CFAP43: variants seen among roughly 807,000 people sequenced by gnomAD.
CFAP43 encodes cilia- and flagella-associated protein 43.
A neutral mutation model predicts 218.9 loss-of-function variants in CFAP43; 155 were observed. That is an observed-to-expected ratio of 0.71 (90% confidence interval 0.62 to 0.81). CFAP43 has a LOEUF of 0.81. Ranked by LOEUF, CFAP43 falls within the 30% of genes least tolerant of loss-of-function variation. The pLI, the probability that CFAP43 is intolerant of heterozygous loss-of-function variation, is 0.00. For synonymous variants in CFAP43, 645 were observed against 681.3 expected, an observed-to-expected ratio of 0.95 and a Z score of 0.83; for missense variants, 1,778 against 1,954.3, an observed-to-expected ratio of 0.91 and a Z score of 1.70.
At chr10:104,186,883 T>C (rs893075833) in intron 14 of CFAP43, among the ~76,000 whole-genome samples, 1 of 152,140 alleles carries the variant, frequency 6.6e-6, no homozygotes, top group African/African-American at 2.4e-5. Context: ...GGTGACACAA[T>C]GCATGAGAAG....
intron 3 of CFAP43, 47 bp downstream of exon 3, chr10:104,225,414 G>A (rs1452681298): frequency 5.0e-6 from 7 of 1,414,126 alleles, no homozygotes; most frequent in Non-Finnish European, 5.9e-6. Flanking sequence ...AGAGTAAGAG[G>A]AAAATGTAAC....
In CFAP43 at chr10:104,162,718, G is replaced by A. The variant is rs117495527; in HGVS notation, c.3247-315C>T. Reference sequence around the variant, plus strand: ...TCTAAGCCAAATTCTGAAGGATGGGGGTCCTAAGAGGTCGAGAGCTTGGGG... The same window carrying A: ...TCTAAGCCAAATTCTGAAGGATGGGAGTCCTAAGAGGTCGAGAGCTTGGGG... On this transcript the variant is annotated intron_variant, in intron 24 of 37. Coordinates refer to ENST00000357060, the MANE Select transcript of CFAP43 (RefSeq NM_025145.7). Among the ~76,000 whole-genome samples the A allele has an allele frequency of 7.2e-5, 11 of 151,992 alleles. No individual in the cohort carries two copies. In the East Asian group the frequency reaches 1.7e-3, roughly 24 times the overall value.
At chr10:104,162,083 A>T (rs781476017) in intron 25 of CFAP43, 42 bp from the exon 26 acceptor site, 21 of 1,587,048 alleles carry the variant, frequency 1.3e-5, no homozygotes, top group South Asian at 7.9e-5. Context: ...TGAGACAGAG[A>T]CCTGACATTC....
At chr10:104,225,287 C>T (rs746163049) in intron 3 of CFAP43, among the ~76,000 whole-genome samples, 174 bp downstream of exon 3, 39 of 152,178 alleles carry the variant, frequency 2.6e-4, no homozygotes, top group Non-Finnish European at 4.9e-4. Flanking sequence ...TTTGCTCTGA[C>T]TGCCAAATTT....
At chr10:104,194,121 G>C in intron 10 of CFAP43, 107 bp from the exon 11 acceptor site, 1 of 1,374,186 alleles carries the variant, frequency 7.3e-7, no homozygotes, top group Non-Finnish European at 9.9e-7. Flanking sequence ...GAGAAAAGTG[G>C]CAAGTGTTGT....
At chr10:104,220,228 T>C (rs1298957376) in intron 3 of CFAP43, among the ~76,000 whole-genome samples, 8 of 152,296 alleles carry the variant, frequency 5.3e-5, no homozygotes, top group African/African-American at 1.9e-4. Flanking sequence ...AGATTCTCTC[T>C]CACAGCCCTC....
Position 104,186,115 on chromosome 10 carries a change from G to A in CFAP43, c.1869C>T (p.Thr623=), listed in dbSNP as rs148551424. ...TGTATGGTTTAAGAATGTAGATACC[G>A]GTATGTTCCTGCCAATCAAAGAAAA... is the stretch of plus-strand genomic sequence containing the variant. The part of the protein sequence containing the change: ...CSYLLPEEEH[T]GIYILKPYKK... The change falls in exon 15 of 38, where the codon ACC becomes ACT. Residue 623 remains threonine (T), a synonymous_variant. Transcript: ENST00000357060. The A allele has an allele frequency of 1.2e-4, 179 of 1,509,560 alleles. 3 individuals are homozygous for A. The East Asian group carries it at 2.3e-3, about 19-fold the overall frequency. 93.5% of individuals were successfully genotyped at this position (1,509,560 alleles called of 1,614,324 possible).
chr10:104,195,767 G>A (rs990470965), intron 10 of CFAP43, among the ~76,000 whole-genome samples: 1 of 152,174 alleles, frequency 6.6e-6, no homozygotes, highest in Non-Finnish European at 1.5e-5. Flanking sequence ...CTGTGAACAT[G>A]GCAGAAATAA....
chr10:104,184,111 C>T (rs982907268), intron 16 of CFAP43, among the ~76,000 whole-genome samples: 7 of 152,124 alleles, frequency 4.6e-5, no homozygotes, highest in Non-Finnish European at 7.4e-5. Flanking sequence ...GCAAAGATTA[C>T]GGCAGTGAAA....
At chr10:104,175,076 C>T (rs1225630800) in intron 19 of CFAP43, among the ~76,000 whole-genome samples, 3 of 150,136 alleles carry the variant, frequency 2.0e-5, no homozygotes, top group Admixed American at 6.6e-5. Context: ...AACAAACAAA[C>T]AAACAAACAA....
At chr10:104,141,683 C>T (rs1274581175) in intron 33 of CFAP43, among the ~76,000 whole-genome samples, 1 of 152,132 alleles carries the variant, frequency 6.6e-6, no homozygotes, top group African/African-American at 2.4e-5. Flanking sequence ...TGATACTATA[C>T]TAACAATATT....
intron 31 of CFAP43, among the ~76,000 whole-genome samples, chr10:104,144,938 T>G (rs528324844): frequency 1.7e-4 from 26 of 152,340 alleles, no homozygotes; most frequent in African/African-American, 6.3e-4. Context: ...GAAAAGCAAT[T>G]TGTGGTCAAA....
intron 20 of CFAP43, among the ~76,000 whole-genome samples, chr10:104,169,204 C>G (rs1459920194): frequency 6.6e-6 from 1 of 152,202 alleles, no homozygotes; most frequent in African/African-American, 2.4e-5. Context: ...CTGGTTGGAA[C>G]AGCAGGGAAG....
chr10:104,144,872 A>G (rs12254064), intron 31 of CFAP43, among the ~76,000 whole-genome samples: 7,165 of 152,296 alleles, frequency 0.047, 559 homozygotes, highest in African/African-American at 0.16. Context: ...GTTATTTTCT[A>G]CCATTTATAC....
intron 2 of CFAP43, among the ~76,000 whole-genome samples, chr10:104,228,614 T>C (rs917323192): frequency 2.0e-5 from 3 of 152,198 alleles, no homozygotes; most frequent in Non-Finnish European, 4.4e-5. Context: ...CTCAGAAATA[T>C]ATTTATAATA....
At chr10:104,171,687 G>A (rs1269714952) in intron 20 of CFAP43, among the ~76,000 whole-genome samples, 1 of 152,128 alleles carries the variant, frequency 6.6e-6, no homozygotes, top group Non-Finnish European at 1.5e-5. Context: ...CACACTTAGG[G>A]CTTTTATTTA....
intron 28 of CFAP43, among the ~76,000 whole-genome samples, chr10:104,150,956 C>G (rs2088223437): frequency 6.6e-6 from 1 of 152,092 alleles, no homozygotes; most frequent in Non-Finnish European, 1.5e-5. Flanking sequence ...CATGTGTTCT[C>G]ATCATTTAGC....
chr10:104,228,289 TTCTTCCTCCTCCTCCTTC>T (rs1458094292), intron 2 of CFAP43, among the ~76,000 whole-genome samples: 2 of 152,194 alleles, frequency 1.3e-5, no homozygotes, highest in Non-Finnish European at 2.9e-5. Flanking sequence ...TTTTTCTTCT[TTCTTCCTCCTCCTCCTTC>T]TCTTCCTCCT....
rs370151228 is a variant in CFAP43, at chr10:104,170,851, C to A, written c.2586+1559G>T. ...ACCGCAATATACAAGCTCGTCAGGG[C>A]TAGCCTCTGCCTACCTCCCCAACCT... is the stretch of plus-strand genomic sequence containing the variant. On this transcript the variant is annotated intron_variant, in intron 20 of 37. Transcript: ENST00000357060. Among the ~76,000 whole-genome samples the A allele has an allele frequency of 1.6e-4, 25 of 152,280 alleles. No homozygotes were observed. In the South Asian group the frequency reaches 5.2e-3, roughly 32 times the overall value.
Sources: allele counts gnomAD v4.1 joint callset (sites outside exome capture counted in the v4.1 genomes callset), GRCh38; gene constraint gnomAD v4.1.1; transcripts MANE v1.5; gene names NCBI Gene and HGNC (gene_info 2026-07-23, HGNC 2026-07-21).